TACC2: variants seen among roughly 807,000 people sequenced by gnomAD.
The protein encoded by TACC2 is transforming acidic coiled-coil-containing protein 2.
Under a neutral mutation model 227.3 loss-of-function variants are expected in TACC2, and 137 were observed. The ratio of observed to expected loss-of-function variants is 0.60; its 90% CI spans 0.52 to 0.69. TACC2 has a LOEUF of 0.69. TACC2 is among the 30% of genes least tolerant of loss of function. TACC2 has a pLI of 0.00. For synonymous variants in TACC2, 1,523 were observed against 1,487.5 expected (o/e 1.02, Z -0.55); for missense variants, 3,470 against 3,694.4 (o/e 0.94, Z 1.57).
In TACC2 at chr10:122,096,720, C is replaced by T. The variant is rs955225124; in HGVS notation, c.5573+8129C>T. Among the ~76,000 whole-genome samples, 5 of 151,950 alleles carry T rather than the reference C, an allele frequency of 3.3e-5. No individual in the cohort carries two copies. In the South Asian group the frequency reaches 8.3e-4, roughly 25 times the overall value. On this transcript the variant is annotated intron_variant, in intron 5 of 22. Coordinates refer to ENST00000369005, the MANE Select transcript of TACC2 (RefSeq NM_206862.4). The stretch of plus-strand genomic sequence containing the variant: ...CAAAAAAAAAAAAAAAAAGACTGCC[C>T]CTCACCAGACTGGGAGGGAGCCCAA...
chr10:122,063,807 A>G (rs922081233), intron 3 of TACC2, among the ~76,000 whole-genome samples: 4 of 146,394 alleles, frequency 2.7e-5, no homozygotes, highest in African/African-American at 5.1e-5. Context: ...TTCAAATTAT[A>G]TATTATACAT....
At chr10:122,191,529 A>C (rs1462220942) in intron 7 of TACC2, among the ~76,000 whole-genome samples, 1 of 152,140 alleles carries the variant, frequency 6.6e-6, no homozygotes, top group East Asian at 1.9e-4. Context: ...AAAAAAAATC[A>C]CAACAAAATC....
intron 9 of TACC2, among the ~76,000 whole-genome samples, chr10:122,212,285 T>C (rs747087355): frequency 1.6e-4 from 24 of 152,186 alleles, no homozygotes; most frequent in Non-Finnish European, 3.2e-4. Flanking sequence ...TTCTCTCCAG[T>C]CATCTTTTGT....
chr10:122,108,442 C>CTTTTTTTTTT (rs34097153), intron 5 of TACC2, among the ~76,000 whole-genome samples: 4 of 90,016 alleles, frequency 4.4e-5, no homozygotes, highest in Non-Finnish European at 6.1e-5. Context: ...GTCATATTTT[C>CTTTTTTTTTT]TTTTTTTTTT....
chr10:122,006,987 G>C (rs534109351), intron 1 of TACC2, among the ~76,000 whole-genome samples: 1 of 151,228 alleles, frequency 6.6e-6, no homozygotes, highest in African/African-American at 2.4e-5. Flanking sequence ...TCAGCCTTCC[G>C]AGTAGCTGGG....
At chr10:122,027,128 C>T (rs1057246417) in intron 2 of TACC2, among the ~76,000 whole-genome samples, 15 of 152,114 alleles carry the variant, frequency 9.9e-5, no homozygotes, top group Admixed American at 7.2e-4. Context: ...TTGGTGGTGT[C>T]AGTATTCTGG....
At chr10:122,144,068 G>A (rs1352590415) in intron 7 of TACC2, among the ~76,000 whole-genome samples, 1 of 152,164 alleles carries the variant, frequency 6.6e-6, no homozygotes. Flanking sequence ...TGATTGTGGG[G>A]GCTAGCAAGT....
intron 5 of TACC2, among the ~76,000 whole-genome samples, chr10:122,091,220 G>T (rs1377382368): frequency 6.6e-6 from 1 of 151,232 alleles, no homozygotes; most frequent in African/African-American, 2.4e-5. Context: ...TGCTGTAAGT[G>T]TAAAATACAC....
At chr10:122,006,814 A>C (rs540126575) in intron 1 of TACC2, among the ~76,000 whole-genome samples, 1 of 137,580 alleles carries the variant, frequency 7.3e-6, no homozygotes, top group Non-Finnish European at 1.6e-5. Context: ...GATCCTTTTT[A>C]TTTATTTCTT....
Position 122,085,688 on chromosome 10 carries a change from T to C in TACC2, c.3188T>C (p.Leu1063Pro). The change falls in exon 4 of 23, where the codon CTG becomes CCG. Residue 1063 changes from leucine to proline, a missense_variant. Around this residue, in one of 10 missense-constraint regions of TACC2, gnomAD observed 1,924 missense variants for 1,978.3 expected, o/e 0.97. Coordinates refer to ENST00000369005, the MANE Select transcript of TACC2 (RefSeq NM_206862.4). ...GATGCAGTTCCCTGCCTGCCAGCCCTGGCGCCCGCCAGCCCCGGAGTCACA... is the reference window on the plus strand; with the variant it reads ...GATGCAGTTCCCTGCCTGCCAGCCCCGGCGCCCGCCAGCCCCGGAGTCACA... ...LLDAVPCLPA[L>P]APASPGVTPT... 3 of 1,613,652 alleles carry C rather than the reference T, an allele frequency of 1.9e-6. No individual in the cohort carries two copies. Among genetic ancestry groups the C allele is most frequent in the East Asian group, 4.5e-5 (2 of 44,872 alleles).
chr10:122,249,060 T>C lies in TACC2; in HGVS notation c.8564T>C (p.Val2855Ala). ...VLEGFRKNEE[V>A]LKRCAQEYLS... ...GCCCTGCTGTGTCAGAATGAAGAGG[T>C]GTTGAAGAGATGTGCGCAGGAGTAC... The change falls in exon 21 of 23, where the codon GTG becomes GCG. Residue 2855 changes from valine (V) to alanine (A), a missense_variant. Around this residue, in one of 10 missense-constraint regions of TACC2, gnomAD observed 65 missense variants for 119.3 expected, o/e 0.54. Coordinates refer to ENST00000369005, the MANE Select transcript of TACC2 (RefSeq NM_206862.4). 1.9e-6 allele frequency: 3 copies of C among 1,612,098 alleles called. No individual in the cohort carries two copies. Among genetic ancestry groups the C allele is most frequent in the Non-Finnish European group, 2.5e-6 (3 of 1,179,466 alleles).
At chr10:122,176,117 CTATATATATATATA>C (rs35172894) in intron 7 of TACC2, among the ~76,000 whole-genome samples, 4 of 54,644 alleles carry the variant, frequency 7.3e-5, no homozygotes, top group African/African-American at 2.1e-4. Flanking sequence ...CTCTCTCTCT[CTATATATATATATA>C]TATATATATA....
At chr10:122,223,126 T>G (rs765752649) in intron 11 of TACC2, among the ~76,000 whole-genome samples, 1 of 147,746 alleles carries the variant, frequency 6.8e-6, no homozygotes, top group Non-Finnish European at 1.5e-5. Flanking sequence ...CGATCTTGGC[T>G]CACTGCAACC....
intron 7 of TACC2, among the ~76,000 whole-genome samples, chr10:122,189,734 T>C (rs1472736880): frequency 6.6e-6 from 1 of 152,256 alleles, no homozygotes; most frequent in Non-Finnish European, 1.5e-5. Context: ...CAGGTAACAT[T>C]CAAATGTTAT....
chr10:122,066,923 T>C (rs1036084832), intron 3 of TACC2, among the ~76,000 whole-genome samples: 19 of 152,242 alleles, frequency 1.2e-4, no homozygotes, highest in African/African-American at 4.6e-4. Context: ...ACAATGATTA[T>C]ATCATTTTAC....
Position 122,021,986 on chromosome 10 carries a change from G to A in TACC2, c.5G>A (p.Gly2Asp). Residue 2 changes from glycine (G) to aspartate (D), a missense_variant, in exon 2 of 23, where the codon GGC (glycine) becomes GAC (aspartate). Coordinates refer to ENST00000369005, the MANE Select transcript of TACC2 (RefSeq NM_206862.4). The stretch of plus-strand genomic sequence containing the variant: ...CGCTGGGAACACTGAATCAACATGG[G>A]CAATGAGAACAGCACCTCGGACAAC... M[G>D]NENSTSDNQR... is the part of the protein sequence containing the mutation. The A allele has an allele frequency of 1.9e-6, 3 of 1,614,090 alleles. No homozygotes were observed. The highest frequency in any genetic ancestry group is 2.5e-6 in the Non-Finnish European group (3 of 1,179,998).
chr10:122,160,665 A>G (rs1489567058), intron 7 of TACC2, among the ~76,000 whole-genome samples: 1 of 152,090 alleles, frequency 6.6e-6, no homozygotes, highest in Non-Finnish European at 1.5e-5. Flanking sequence ...CCCACTAGGG[A>G]TTAGGGCTTC....
Position 122,050,477 on chromosome 10 carries a change from C to A in TACC2, c.73C>A (p.Pro25Thr). Residue 25 changes from proline (P) to threonine (T), a missense_variant, in exon 3 of 23, where the codon CCC becomes ACC. Physicochemically the swap from Pro to Thr is conservative, Grantham distance 38. Transcript: ENST00000369005. The surrounding 1 kb of genome is among the most constrained non-coding windows in gnomAD (Gnocchi z 4.6). Reference sequence around the variant, plus strand: ...TCAGACTCCAAGGTCCGCGCAGCCACCCGGGAACAGTCAGAATATAAAAAG... The same window carrying A: ...TCAGACTCCAAGGTCCGCGCAGCCAACCGGGAACAGTCAGAATATAAAAAG... ...SAQTPRSAQP[P>T]GNSQNIKRKQ... 6.2e-7 allele frequency: 1 copy of A among 1,614,136 alleles called. No individual in the cohort carries two copies. Among genetic ancestry groups the A allele is most frequent in the Middle Eastern group, 1.7e-4 (1 of 6,056 alleles).
intron 7 of TACC2, among the ~76,000 whole-genome samples, chr10:122,183,716 G>A (rs912917921): frequency 1.3e-5 from 2 of 152,162 alleles, no homozygotes; most frequent in African/African-American, 2.4e-5. Flanking sequence ...AGACTGATTT[G>A]CAAATAAGGA....
Sources: gnomAD v4.1 joint callset for allele counts (sites outside exome capture counted in the v4.1 genomes callset) on GRCh38, gnomAD v4.1.1 for gene constraint, gnomAD v4.1.1 regional missense constraint, Gnocchi (gnomAD v3.1) non-coding constraint, MANE v1.5 for transcripts, NCBI Gene and HGNC (gene_info 2026-07-23, HGNC 2026-07-21) for gene names.